SEM1: variants seen among roughly 807,000 people sequenced by gnomAD.
SEM1 encodes SEM1 26S proteasome subunit.
SEM1 carries 3 observed loss-of-function variants against 12.7 expected under a neutral mutation model. That is an observed-to-expected ratio of 0.24 (90% confidence interval 0.11 to 0.61). The LOEUF (loss-of-function observed/expected upper bound fraction) is 0.61. Ranked by LOEUF, SEM1 falls within the 20% of genes least tolerant of loss-of-function variation. The probability of loss-of-function intolerance (pLI) is 0.88; values close to 1 mark genes in which losing one functional copy is unlikely to be tolerated. For missense variants in SEM1, 59 were observed against 81.3 expected (o/e 0.73, Z 1.06); for synonymous variants, 30 against 27.8 (o/e 1.08, Z -0.25).
chr7:96,615,501 C>T (rs188709871), intron 2 of SEM1, among the ~76,000 whole-genome samples: 205 of 152,102 alleles, frequency 1.3e-3, no homozygotes, highest in African/African-American at 4.7e-3. Flanking sequence ...GTAATCTGCC[C>T]GCCTCAGCCT....
intron 1 of SEM1, among the ~76,000 whole-genome samples, chr7:96,709,465 G>A (rs1284928930): frequency 6.6e-6 from 1 of 152,188 alleles, no homozygotes; most frequent in Non-Finnish European, 1.5e-5. Context: ...TCCTCCCAGT[G>A]AGGAAGCCGA....
rs569516767 is a variant in SEM1 at position 96,691,007 on chromosome 7, G to C, written c.171-2041C>G. Among the ~76,000 whole-genome samples, 6 of 152,208 alleles carry C rather than the reference G, an allele frequency of 3.9e-5. No individual in the cohort carries two copies. The East Asian group carries it at 9.7e-4, about 25-fold the overall frequency. The stretch of plus-strand genomic sequence containing the variant: ...AGGATGGTCTCGATCTCCTGACCTC[G>C]TGATCCACCGGCCTCGGCCTCCCAA... On this transcript the variant is annotated intron_variant, in intron 2 of 2. Coordinates refer to ENST00000248566, the MANE Select transcript of SEM1 (RefSeq NM_006304.2).
intron 1 of SEM1, among the ~76,000 whole-genome samples, chr7:96,697,579 A>G (rs542421368): frequency 2.0e-5 from 3 of 152,154 alleles, no homozygotes; most frequent in Non-Finnish European, 4.4e-5. Flanking sequence ...ACCAATTTTC[A>G]AGAGTATCGA....
At chr7:96,570,254 G>T (rs1805977786) in intron 2 of SEM1, among the ~76,000 whole-genome samples, 1 of 150,398 alleles carries the variant, frequency 6.6e-6, no homozygotes, top group African/African-American at 2.4e-5. Context: ...GTGCAGGTTT[G>T]TTACATAGGT....
intron 1 of SEM1, among the ~76,000 whole-genome samples, chr7:96,699,531 A>G (rs12690924): frequency 0.7 from 106,360 of 152,080 alleles, 37,353 homozygotes; most frequent in East Asian, 0.87. Flanking sequence ...TGCTGAGGCC[A>G]CAAACCACCT....
intron 2 of SEM1, among the ~76,000 whole-genome samples, chr7:96,624,284 T>C (rs376850445): frequency 6.6e-5 from 10 of 152,198 alleles, no homozygotes; most frequent in East Asian, 3.9e-4. Flanking sequence ...TAAATCTAGG[T>C]GGTAGATATA....
chr7:96,617,856 G>A (rs1807766910), downstream of SEM1, among the ~76,000 whole-genome samples: 1 of 152,150 alleles, frequency 6.6e-6, no homozygotes, highest in African/African-American at 2.4e-5. Context: ...ATTTGCATAT[G>A]TTGAACCATC....
intron 2 of SEM1, among the ~76,000 whole-genome samples, chr7:96,566,716 A>C (rs1805853242): frequency 6.6e-6 from 1 of 151,618 alleles, no homozygotes; most frequent in Non-Finnish European, 1.5e-5. Flanking sequence ...TTCTCTCATT[A>C]CAAGATTAAT....
intron 2 of SEM1, among the ~76,000 whole-genome samples, chr7:96,523,512 C>T (rs1052338301): frequency 6.6e-6 from 1 of 152,088 alleles, no homozygotes; most frequent in African/African-American, 2.4e-5. Context: ...AGGGCAGTGT[C>T]GTAAATCAGC....
At chr7:96,654,386 T>A (rs1809107361) in intron 2 of SEM1, among the ~76,000 whole-genome samples, 1 of 152,198 alleles carries the variant, frequency 6.6e-6, no homozygotes. Context: ...AAACAGATGG[T>A]CTCCAACTTA....
chr7:96,514,184 T>C (rs1481134362), intron 2 of SEM1, among the ~76,000 whole-genome samples: 1 of 152,132 alleles, frequency 6.6e-6, no homozygotes, highest in African/African-American at 2.4e-5. Context: ...AATGTACTTG[T>C]GCTTAACGTC....
intron 2 of SEM1, among the ~76,000 whole-genome samples, chr7:96,612,630 G>GT (rs1807573612): frequency 2.6e-5 from 4 of 152,056 alleles, no homozygotes; most frequent in Admixed American, 2.6e-4. Context: ...TGTTGCTTTT[G>GT]GTTTTTTTTG....
At chr7:96,673,026 A>AAACT (rs201551874), downstream of SEM1, 5 of 25,326 alleles carry the variant, frequency 2.0e-4, no homozygotes, top group Non-Finnish European at 7.2e-4. Flanking sequence ...ATAGTATATA[A>AAACT]AATTAATTGT....
chr7:96,608,901 G>T (rs1388035501), intron 2 of SEM1, among the ~76,000 whole-genome samples: 1 of 152,106 alleles, frequency 6.6e-6, no homozygotes, highest in Non-Finnish European at 1.5e-5. Context: ...ACATTTTTGT[G>T]TGTACAAATG....
intron 2 of SEM1, among the ~76,000 whole-genome samples, chr7:96,513,834 T>TA (rs1247571830): frequency 6.6e-6 from 1 of 151,912 alleles, no homozygotes; most frequent in African/African-American, 2.4e-5. Flanking sequence ...GTCTCAAAAA[T>TA]AAAAAAATTC....
At position 96,678,243 on chromosome 7, in the gene SEM1, C is replaced by T. The variant is rs370057109; in HGVS notation, c.171-4384G>A. On this transcript the variant is annotated intron_variant, in intron 2 of 2. Transcript: ENST00000413065. The stretch of plus-strand genomic sequence containing the variant: ...ATTCTGCCCAATGTGACCTTGGGGA[C>T]GGGTCACAATGGCTTTGAGGTTATT... Among the ~76,000 whole-genome samples, 75 of 152,042 alleles carry T rather than the reference C, an allele frequency of 4.9e-4. 1 individual carries two copies. Among genetic ancestry groups the T allele is most frequent in the African/African-American group, 1.7e-3 (70 of 41,454 alleles).
At chr7:96,592,406 G>A (rs563381146) in intron 2 of SEM1, among the ~76,000 whole-genome samples, 3 of 152,082 alleles carry the variant, frequency 2.0e-5, no homozygotes, top group East Asian at 2.0e-4. Flanking sequence ...TGTACAATAC[G>A]TGCATTCACA....
intron 2 of SEM1, among the ~76,000 whole-genome samples, chr7:96,528,770 C>G (rs1229357639): frequency 6.6e-6 from 1 of 152,070 alleles, no homozygotes; most frequent in Non-Finnish European, 1.5e-5. Flanking sequence ...TCATCAAGCT[C>G]TCCATGTGAT....
At chr7:96,517,204 C>G (rs1281909967) in intron 2 of SEM1, among the ~76,000 whole-genome samples, 1 of 152,072 alleles carries the variant, frequency 6.6e-6, no homozygotes, top group African/African-American at 2.4e-5. Flanking sequence ...CCAGAGTGAA[C>G]CTTAATGTAT....
Sources: gnomAD v4.1 joint callset for allele counts (sites outside exome capture counted in the v4.1 genomes callset) on GRCh38, gnomAD v4.1.1 for gene constraint, MANE v1.5 for transcripts, NCBI Gene and HGNC (gene_info 2026-07-23, HGNC 2026-07-21) for gene names.